Variants in EPHA5 observed in about 807,000 individuals in gnomAD.
The protein encoded by EPHA5 is EPH receptor A5.
Under a neutral mutation model 105.0 loss-of-function variants are expected in EPHA5, and 60 were observed. The ratio of observed to expected loss-of-function variants is 0.57; its 90% CI spans 0.46 to 0.71. EPHA5 has a LOEUF of 0.71. Among genes scored for constraint, EPHA5 ranks in the 30% least tolerant of loss-of-function variants. The pLI is 0.00. For missense variants in EPHA5, 1,218 were observed against 1,274.7 expected, an observed-to-expected ratio of 0.96 and a Z score of 0.68; for synonymous variants, 513 against 449.1, an observed-to-expected ratio of 1.14 and a Z score of -1.80.
intron 3 of EPHA5, among the ~76,000 whole-genome samples, chr4:65,571,680 T>C (rs1740199143): frequency 1.3e-5 from 2 of 152,100 alleles, no homozygotes; most frequent in Admixed American, 6.5e-5. Flanking sequence ...TTCTTAGGTC[T>C]TACGTATGTT....
chr4:65,499,829 CTT>C (rs11327571), intron 3 of EPHA5, among the ~76,000 whole-genome samples: 53 of 146,462 alleles, frequency 3.6e-4, no homozygotes, highest in South Asian at 8.5e-4. Flanking sequence ...AATGTATAAT[CTT>C]TTTTTTTTTT....
intron 3 of EPHA5, chr4:65,573,914 C>T: frequency 1.2e-6 from 2 of 1,608,680 alleles, no homozygotes; most frequent in Non-Finnish European, 8.5e-7. Context: ...CCATTCTGAT[C>T]ATCCTCACTG....
chr4:65,461,853 T>A (rs1728153302), intron 5 of EPHA5, among the ~76,000 whole-genome samples: 1 of 151,796 alleles, frequency 6.6e-6, no homozygotes, highest in South Asian at 2.1e-4. Flanking sequence ...AGGAGAAAAA[T>A]GAGAACAAAA....
intron 3 of EPHA5, among the ~76,000 whole-genome samples, chr4:65,585,361 C>T (rs1742018852): frequency 6.7e-6 from 1 of 148,396 alleles, no homozygotes; most frequent in African/African-American, 2.5e-5. Context: ...TTGGAGAAAA[C>T]AAAAAAAATC....
intron 8 of EPHA5, among the ~76,000 whole-genome samples, chr4:65,368,903 A>G (rs1205932328): frequency 7.2e-5 from 11 of 152,224 alleles, no homozygotes; most frequent in Non-Finnish European, 1.5e-4. Flanking sequence ...ACAATTTCCA[A>G]CTGTCAAAGT....
intron 16 of EPHA5, among the ~76,000 whole-genome samples, chr4:65,325,074 G>A (rs1397786271): frequency 1.3e-5 from 2 of 150,994 alleles, no homozygotes; most frequent in Admixed American, 1.3e-4. Context: ...ATTAATTATA[G>A]GAAAAAATAA....
intron 3 of EPHA5, among the ~76,000 whole-genome samples, chr4:65,576,038 G>GAA (rs1238864386): frequency 1.3e-5 from 1 of 74,410 alleles, no homozygotes; most frequent in Admixed American, 1.8e-4. Flanking sequence ...AAGAAAGAAA[G>GAA]AAAGAAAGAA....
At chr4:65,339,184 C>T (rs956395679) in intron 14 of EPHA5, among the ~76,000 whole-genome samples, 12 of 152,076 alleles carry the variant, frequency 7.9e-5, no homozygotes, top group African/African-American at 2.9e-4. Flanking sequence ...CATTTGATGG[C>T]AGGGTGGCTC....
In EPHA5 at chr4:65,324,088, C is replaced by T. The variant is rs1719849456; in HGVS notation, c.*26G>A. On this transcript the variant is annotated 3_prime_UTR_variant, in exon 17 of 17. Coordinates refer to ENST00000613740, the MANE Select transcript of EPHA5 (RefSeq NM_001281766.3). ...TGTTTACAAAGTGCAGAATCATTCA[C>T]TTGAAGAAGCGACATTTACATGAAG... is the stretch of plus-strand genomic sequence containing the variant. 1 of 1,500,536 alleles carries T rather than the reference C, an allele frequency of 6.7e-7. No homozygotes were observed. The highest frequency in any genetic ancestry group is 1.4e-5 in the African/African-American group (1 of 72,374). 93.0% of individuals were successfully genotyped at this position (1,500,536 alleles called of 1,614,324 possible).
chr4:65,420,403 A>G, intron 6 of EPHA5, 38 bp downstream of exon 6: 1 of 1,525,568 alleles, frequency 6.6e-7, no homozygotes, highest in Non-Finnish European at 8.8e-7. Flanking sequence ...ATGAAAAAAA[A>G]AAGAAAGTGA....
chr4:65,630,081 T>TCTCA (rs1560795069), intron 2 of EPHA5, among the ~76,000 whole-genome samples: 1 of 146,624 alleles, frequency 6.8e-6, no homozygotes, highest in African/African-American at 2.5e-5. Context: ...TCTCTCTCTC[T>TCTCA]CACACACACA....
intron 12 of EPHA5, among the ~76,000 whole-genome samples, chr4:65,352,284 AT>A (rs1222798646): frequency 1.3e-5 from 2 of 152,020 alleles, no homozygotes; most frequent in Non-Finnish European, 2.9e-5. Flanking sequence ...CCATTATCAA[AT>A]TCATTGCATA....
intron 3 of EPHA5, among the ~76,000 whole-genome samples, chr4:65,548,101 A>G (rs1476262458): frequency 6.6e-6 from 1 of 150,814 alleles, no homozygotes; most frequent in East Asian, 2.0e-4. Context: ...AGCCCCAAAC[A>G]GTGAGCAATA....
chr4:65,364,510 T>G (rs1173069942), intron 11 of EPHA5, among the ~76,000 whole-genome samples: 1 of 151,654 alleles, frequency 6.6e-6, no homozygotes, highest in Non-Finnish European at 1.5e-5. Context: ...CAACAAAAAT[T>G]CATTAAAAGG....
chr4:65,591,790 T>C (rs1742687191), intron 3 of EPHA5, among the ~76,000 whole-genome samples: 1 of 152,112 alleles, frequency 6.6e-6, no homozygotes, highest in Non-Finnish European at 1.5e-5. Flanking sequence ...CAATGCTTAT[T>C]AATAGATGAA....
chr4:65,591,811 C>T (rs1037241383), intron 3 of EPHA5, among the ~76,000 whole-genome samples: 11 of 152,032 alleles, frequency 7.2e-5, no homozygotes, highest in African/African-American at 2.7e-4. Flanking sequence ...AGTTACTTTA[C>T]TTGCCAAATT....
At chr4:65,362,708 T>C (rs1717440617) in intron 11 of EPHA5, among the ~76,000 whole-genome samples, 1 of 151,630 alleles carries the variant, frequency 6.6e-6, no homozygotes, top group Non-Finnish European at 1.5e-5. Flanking sequence ...ATATACAATA[T>C]ATGAGAAATC....
chr4:65,423,453 A>G (rs1257528429), intron 5 of EPHA5, among the ~76,000 whole-genome samples: 2 of 152,046 alleles, frequency 1.3e-5, no homozygotes, highest in Admixed American at 1.3e-4. Flanking sequence ...ATCTACTTAA[A>G]TTATTAGAAA....
At chr4:65,388,783 T>C (rs1720399593) in intron 8 of EPHA5, among the ~76,000 whole-genome samples, 1 of 150,394 alleles carries the variant, frequency 6.6e-6, no homozygotes, top group Non-Finnish European at 1.5e-5. Context: ...ACTCTGATGG[T>C]AGTTTCTTTT....
Sources: gnomAD v4.1 joint callset for allele counts (sites outside exome capture counted in the v4.1 genomes callset) on GRCh38, gnomAD v4.1.1 for gene constraint, MANE v1.5 for transcripts, NCBI Gene and HGNC (gene_info 2026-07-23, HGNC 2026-07-21) for gene names.